Variants in RTKN2 observed in about 807,000 individuals in gnomAD.
The protein encoded by RTKN2 is rhotekin 2.
Under a neutral mutation model 71.5 loss-of-function variants are expected in RTKN2, and 69 were observed. The ratio of observed to expected loss-of-function variants is 0.96; its 90% CI spans 0.79 to 1.18. RTKN2 has a LOEUF of 1.18. RTKN2 is among the 50% of genes most tolerant of loss of function. RTKN2 has a pLI of 0.00. For synonymous variants in RTKN2, 236 were observed against 236.5 expected, an observed-to-expected ratio of 1.00 and a Z score of 0.02; for missense variants, 724 against 719.7, an observed-to-expected ratio of 1.01 and a Z score of -0.07.
At chr10:62,212,331 T>C (rs1397423760) in intron 9 of RTKN2, among the ~76,000 whole-genome samples, 1 of 151,470 alleles carries the variant, frequency 6.6e-6, no homozygotes, top group Non-Finnish European at 1.5e-5. Flanking sequence ...ATGGCACCAC[T>C]GCAATCCAGC....
At chr10:62,211,855 G>A (rs111650037) in intron 9 of RTKN2, among the ~76,000 whole-genome samples, 3,251 of 152,002 alleles carry the variant, frequency 0.021, 108 homozygotes, top group African/African-American at 0.075. Flanking sequence ...TAGTAGAGAT[G>A]AGGTTTCACC....
At chr10:62,253,954 A>G (rs1345333968) in intron 2 of RTKN2, among the ~76,000 whole-genome samples, 1 of 152,204 alleles carries the variant, frequency 6.6e-6, no homozygotes, top group Admixed American at 6.5e-5. Context: ...ACAGTGGAAA[A>G]AAAAGTCAGA....
chr10:62,244,547 A>T (rs996063449), intron 3 of RTKN2, among the ~76,000 whole-genome samples: 3 of 151,902 alleles, frequency 2.0e-5, no homozygotes, highest in Non-Finnish European at 4.4e-5. Context: ...GCAACTTAAC[A>T]TATGTCATTT....
intron 10 of RTKN2, among the ~76,000 whole-genome samples, chr10:62,201,718 G>A (rs568206142): frequency 9.2e-5 from 14 of 152,218 alleles, no homozygotes; most frequent in Non-Finnish European, 1.3e-4. Flanking sequence ...ACTAGTAGCA[G>A]AATATGAGTT....
Position 62,199,746 on chromosome 10 carries a change from C to T in RTKN2, c.1294+8G>A. 2 of 1,543,304 alleles carry T rather than the reference C, an allele frequency of 1.3e-6. No individual in the cohort carries two copies. Among genetic ancestry groups the T allele is most frequent in the Middle Eastern group, 1.7e-4 (1 of 5,928 alleles). ...TCCTGCAGCTTAGAAAAGACAAACC[C>T]CACTTACTCATATCATGGTAGACTG... On this transcript the variant is annotated splice_region_variant and intron_variant, in intron 11 of 11. Transcript: ENST00000373789.
intron 6 of RTKN2, among the ~76,000 whole-genome samples, chr10:62,227,852 C>A (rs1314251180): frequency 6.6e-6 from 1 of 152,082 alleles, no homozygotes; most frequent in Non-Finnish European, 1.5e-5. Flanking sequence ...CTGATATATT[C>A]TCTAAGTTTC....
chr10:62,267,449 A>G (rs192341652), intron 1 of RTKN2, among the ~76,000 whole-genome samples: 4 of 152,330 alleles, frequency 2.6e-5, no homozygotes, highest in Non-Finnish European at 4.4e-5. Flanking sequence ...TTTGTTAGCA[A>G]TCAGGACAGC....
At chr10:62,268,439 T>C in intron 1 of RTKN2, 112 bp downstream of exon 1, 3 of 1,050,310 alleles carry the variant, frequency 2.9e-6, no homozygotes, top group Non-Finnish European at 4.3e-6. Flanking sequence ...TGGCCACCGC[T>C]GAAATAGAGG....
chr10:62,199,753 C>G lies in RTKN2; in HGVS notation c.1294+1G>C. ...GCTTAGAAAAGACAAACCCCACTTA[C>G]TCATATCATGGTAGACTGAGGTTGC... On this transcript the variant is annotated splice_donor_variant, in intron 11 of 11. Transcript: ENST00000373789. LOFTEE classifies it high-confidence loss of function. 6.3e-7 allele frequency: 1 copy of G among 1,574,942 alleles called. No homozygotes were observed. The highest frequency in any genetic ancestry group is 8.7e-7 in the Non-Finnish European group (1 of 1,144,904).
At chr10:62,242,012 ACT>A (rs1491312977) in intron 3 of RTKN2, among the ~76,000 whole-genome samples, 8 of 81,998 alleles carry the variant, frequency 9.8e-5, no homozygotes, top group Non-Finnish European at 1.3e-4. Context: ...TAATTATTAT[ACT>A]TTTTTTTTTT....
Position 62,236,260 on chromosome 10 carries a change from AT to A in RTKN2, c.491del (p.Asn164MetfsTer9). The A allele has an allele frequency of 3.1e-6, 5 of 1,596,246 alleles. No individual in the cohort carries two copies. Among genetic ancestry groups the A allele is most frequent in the Non-Finnish European group, 4.3e-6 (5 of 1,168,772 alleles). On this transcript the variant is annotated frameshift_variant and splice_region_variant, in exon 6 of 12. Coordinates refer to ENST00000373789, the MANE Select transcript of RTKN2 (RefSeq NM_145307.4). LOFTEE classifies it high-confidence loss of function. ...DICFENVTIF[N>X]EAGPDFQIKV... ...TTATCTGAAAGTCTGGCCCTGCTTC[AT>A]TACTAAAAACAAGGGCATTCATAAT...
chr10:62,228,317 T>C lies in RTKN2; in HGVS notation c.687-4985A>G, dbSNP rs558480917. Reference sequence around the variant, plus strand: ...CAAGAAAGTGGTATTCTAGACGCCATATAAAAATAGTATTTCAAGGAGAGT... The same window carrying C: ...CAAGAAAGTGGTATTCTAGACGCCACATAAAAATAGTATTTCAAGGAGAGT... On this transcript the variant is annotated intron_variant, in intron 6 of 11. Transcript: ENST00000373789. Among the ~76,000 whole-genome samples, 11 of 152,298 alleles carry C rather than the reference T, an allele frequency of 7.2e-5. No homozygotes were observed. In the East Asian group the frequency reaches 2.1e-3, roughly 29 times the overall value.
chr10:62,249,136 G>A (rs796268350), intron 2 of RTKN2, among the ~76,000 whole-genome samples: 15 of 152,002 alleles, frequency 9.9e-5, no homozygotes, highest in African/African-American at 3.1e-4. Flanking sequence ...CAACCTATAC[G>A]TTTTCTTTTT....
At chr10:62,244,911 C>T (rs1842449020) in intron 3 of RTKN2, among the ~76,000 whole-genome samples, 2 of 152,018 alleles carry the variant, frequency 1.3e-5, no homozygotes, top group South Asian at 2.1e-4. Context: ...TTTGTTTATC[C>T]AGAAAAATAT....
rs756806355 is a variant in RTKN2 at position 62,199,787 on chromosome 10, T to C, written c.1261A>G (p.Thr421Ala). ...TGGTAGACTGAGGTTGCCTCTTTTG[T>C]CAAGAACAAAGGTGGTTTCCGTGGT... ...MSPRKPPLFL[T>A]KEATSVYHDM... Residue 421 changes from threonine to alanine, a missense_variant, in exon 11 of 12, where the codon ACA (threonine) becomes GCA (alanine). Thr to Ala is a moderately conservative substitution (Grantham distance 58). Coordinates refer to ENST00000373789, the MANE Select transcript of RTKN2 (RefSeq NM_145307.4). The C allele has an allele frequency of 6.2e-7, 1 of 1,613,538 alleles. No individual in the cohort carries two copies. Among genetic ancestry groups the C allele is most frequent in the South Asian group, 1.1e-5 (1 of 91,042 alleles).
chr10:62,249,726 A>G (rs1314942240), intron 2 of RTKN2, among the ~76,000 whole-genome samples: 1 of 152,204 alleles, frequency 6.6e-6, no homozygotes, highest in East Asian at 1.9e-4. Flanking sequence ...AGTGGCAAAA[A>G]GATTCACTAT....
chr10:62,220,620 G>C (rs1841885526), intron 7 of RTKN2, among the ~76,000 whole-genome samples: 1 of 152,056 alleles, frequency 6.6e-6, no homozygotes, highest in Non-Finnish European at 1.5e-5. Context: ...CATGCAAAAA[G>C]AACAAAAGCT....
At chr10:62,259,068 A>C (rs926368389) in intron 2 of RTKN2, among the ~76,000 whole-genome samples, 2 of 152,150 alleles carry the variant, frequency 1.3e-5, no homozygotes, top group African/African-American at 4.8e-5. Context: ...GAGGTAACTG[A>C]ATCATAGGGG....
intron 2 of RTKN2, among the ~76,000 whole-genome samples, chr10:62,255,279 A>G (rs1589382892): frequency 6.6e-6 from 1 of 152,338 alleles, no homozygotes; most frequent in East Asian, 1.9e-4. Context: ...GCCTAGAAGC[A>G]GTGATACCCC....
Sources: allele counts gnomAD v4.1 joint callset (sites outside exome capture counted in the v4.1 genomes callset), GRCh38; gene constraint gnomAD v4.1.1; transcripts MANE v1.5; gene names NCBI Gene and HGNC (gene_info 2026-07-23, HGNC 2026-07-21).